The following CYP2B6 variants were observed in gnomAD, a reference collection of about 807,000 sequenced individuals.
CYP2B6 encodes cytochrome P450 family 2 subfamily B member 6, also known as cytochrome P450 2B6.
A neutral mutation model predicts 43.4 loss-of-function variants in CYP2B6; 35 were observed. The ratio of observed to expected loss-of-function variants is 0.81; its 90% CI spans 0.62 to 1.07. The LOEUF is 1.07. CYP2B6 is among the 50% of genes least tolerant of loss of function. CYP2B6 has a pLI of 0.00. For missense variants in CYP2B6, 624 were observed against 632.8 expected (o/e 0.99, Z 0.15); for synonymous variants, 239 against 239.2 (o/e 1.00, Z 0.01).
rs138409398 is a variant in CYP2B6 at position 41,005,516 on chromosome 19, C to T, written c.484+1070C>T. 8.8e-3 allele frequency among the ~76,000 whole-genome samples: 1,336 copies of T among 152,132 alleles called. 13 individuals are homozygous for T. Among genetic ancestry groups the T allele is most frequent in the Middle Eastern group, 0.034 (10 of 294 alleles). On this transcript the variant is annotated intron_variant, in intron 3 of 8. Coordinates refer to ENST00000324071, the MANE Select transcript of CYP2B6 (RefSeq NM_000767.5). ...AAAAATATAGGTTGGGTATGGGGCTCATGCCTGTAATCCCAGCACTTTGGG... is the reference window on the plus strand; with the variant it reads ...AAAAATATAGGTTGGGTATGGGGCTTATGCCTGTAATCCCAGCACTTTGGG...
chr19:41,006,180 G>T (rs771667771), intron 3 of CYP2B6, among the ~76,000 whole-genome samples: 1 of 152,056 alleles, frequency 6.6e-6, no homozygotes, highest in Non-Finnish European at 1.5e-5. Flanking sequence ...TAGAGACGGG[G>T]TCTCACTCTG....
At position 41,017,924 on chromosome 19, in the gene CYP2B6, G is replaced by C. The variant is rs992705125; in HGVS notation, c.*1097G>C. ...GCTGGAGTGCTATGGTGCAATTTTTGTTCACTGCAACCTCTGCCTTCCAAG... is the reference window on the plus strand; with the variant it reads ...GCTGGAGTGCTATGGTGCAATTTTTCTTCACTGCAACCTCTGCCTTCCAAG... On this transcript the variant is annotated 3_prime_UTR_variant, in exon 9 of 9. Transcript: ENST00000324071. The C allele has an allele frequency of 6.9e-6, 1 of 145,802 alleles. No homozygotes were observed. The highest frequency in any genetic ancestry group is 2.6e-5 in the African/African-American group (1 of 39,150). The allele number at this position is 145,802 out of a possible 1,614,324, so 9.0% of individuals were successfully genotyped here. A position where few individuals can be genotyped will look rare whatever the true frequency, so the allele number is the denominator to read the frequency against.
At chr19:40,997,190 G>C (rs974917838) in intron 1 of CYP2B6, among the ~76,000 whole-genome samples, 33 of 152,148 alleles carry the variant, frequency 2.2e-4, no homozygotes, top group African/African-American at 6.0e-4. Flanking sequence ...GGGAGAGCAG[G>C]AGAGGAGTGT....
Position 40,992,270 on chromosome 19 carries a change from A to T in CYP2B6, c.171+794A>T, listed in dbSNP as rs1568556376. Reference sequence around the variant, plus strand: ...CAGTTCACTCTACAGAGAGAGCTTTAGGTCAAATTTAATTTAATTAAACAA... The same window carrying T: ...CAGTTCACTCTACAGAGAGAGCTTTTGGTCAAATTTAATTTAATTAAACAA... On this transcript the variant is annotated intron_variant, in intron 1 of 8. Coordinates refer to ENST00000324071, the MANE Select transcript of CYP2B6 (RefSeq NM_000767.5). 3.3e-5 allele frequency among the ~76,000 whole-genome samples: 5 copies of T among 151,620 alleles called. No individual in the cohort carries two copies. In the South Asian group the frequency reaches 1.0e-3, roughly 32 times the overall value.
Position 41,006,945 on chromosome 19 carries a change from C to T in CYP2B6, c.525C>T (p.Thr175=), listed in dbSNP as rs139253352. ...CCACCTTCCTCTTCCAGTCCATTAC[C>T]GCCAACATCATCTGCTCCATCGTCT... is the stretch of plus-strand genomic sequence containing the variant. ...MDPTFLFQSI[T]ANIICSIVFG... Residue 175 remains threonine, a synonymous_variant, in exon 4 of 9, where the codon ACC becomes ACT. Coordinates refer to ENST00000324071, the MANE Select transcript of CYP2B6 (RefSeq NM_000767.5). 320 of 1,613,682 alleles carry T rather than the reference C, an allele frequency of 2.0e-4. No individual in the cohort carries two copies. The African/African-American group carries it at 3.1e-3, about 16-fold the overall frequency.
chr19:41,002,078 C>T (rs1369686398), intron 1 of CYP2B6, among the ~76,000 whole-genome samples: 1 of 151,932 alleles, frequency 6.6e-6, no homozygotes, highest in African/African-American at 2.4e-5. Context: ...GAAGTCAGAG[C>T]GGTAATAGGG....
At chr19:41,012,546 C>T (rs975872688) in intron 7 of CYP2B6, 61 bp downstream of exon 7, 138 of 1,608,862 alleles carry the variant, frequency 8.6e-5, no homozygotes, top group Middle Eastern at 1.6e-4. Context: ...TCTTAATCCC[C>T]GAACTCAACC....
At chr19:41,016,431 A>AGGG (rs58697964) in intron 8 of CYP2B6, among the ~76,000 whole-genome samples, 1 of 92,552 alleles carries the variant, frequency 1.1e-5, no homozygotes, top group Non-Finnish European at 2.1e-5. Context: ...AAAAAAAAAA[A>AGGG]AAAGAGAGAG....
intron 4 of CYP2B6, among the ~76,000 whole-genome samples, chr19:41,008,271 G>C (rs527883553): frequency 1.3e-5 from 2 of 151,194 alleles, no homozygotes; most frequent in African/African-American, 4.9e-5. Flanking sequence ...GAGTGCAGTA[G>C]TGTGATCTCA....
At chr19:41,002,705 T>C (rs542099829) in intron 1 of CYP2B6, among the ~76,000 whole-genome samples, 201 of 152,178 alleles carry the variant, frequency 1.3e-3, no homozygotes, top group African/African-American at 4.7e-3. Context: ...AGAGCCACCA[T>C]GCCTGGCTAA....
At position 41,005,348 on chromosome 19, in the gene CYP2B6, T is replaced by C. The variant is rs1969160723; in HGVS notation, c.484+902T>C. 2.0e-5 allele frequency among the ~76,000 whole-genome samples: 3 copies of C among 152,208 alleles called. No homozygotes were observed. The South Asian group carries it at 6.2e-4, about 32-fold the overall frequency. ...CTCTTATCAAAATTTCTCAAGAGAC[T>C]CTGGGATGTAAATGCAGAGGCTGCA... is the stretch of plus-strand genomic sequence containing the variant. On this transcript the variant is annotated intron_variant, in intron 3 of 8. Coordinates refer to ENST00000324071, the MANE Select transcript of CYP2B6 (RefSeq NM_000767.5).
chr19:41,011,562 G>A (rs944185583), intron 6 of CYP2B6, among the ~76,000 whole-genome samples: 1 of 152,118 alleles, frequency 6.6e-6, no homozygotes, highest in Non-Finnish European at 1.5e-5. Context: ...AGTTGTTCAT[G>A]AATTCATCTA....
At position 41,009,290 on chromosome 19, in the gene CYP2B6, G is replaced by A. The variant is rs762329261; in HGVS notation, c.717G>A (p.Gln239=). Residue 239 remains glutamine (Q), a synonymous_variant, in exon 5 of 9, where the codon CAG becomes CAA. Coordinates refer to ENST00000324071, the MANE Select transcript of CYP2B6 (RefSeq NM_000767.5). ...ACAGGCAAGTTTACAAAAACCTGCA[G>A]GAAATCAATGCTTACATTGGCCACA... ...GAHRQVYKNL[Q]EINAYIGHSV... 8 of 1,613,152 alleles carry A rather than the reference G, an allele frequency of 5.0e-6. No homozygotes were observed. The highest frequency in any genetic ancestry group is 1.1e-5 in the South Asian group (1 of 91,022).
intron 1 of CYP2B6, among the ~76,000 whole-genome samples, chr19:40,995,650 G>T (rs1968989062): frequency 6.6e-6 from 1 of 152,202 alleles, no homozygotes; most frequent in Non-Finnish European, 1.5e-5. Context: ...AGATACATGA[G>T]ATTCTATTAT....
chr19:41,005,245 C>T (rs1409407592), intron 3 of CYP2B6, among the ~76,000 whole-genome samples: 2 of 152,022 alleles, frequency 1.3e-5, no homozygotes. Flanking sequence ...TTCTCCATAA[C>T]TTGGTGTCTG....
At chr19:41,008,123 T>C (rs1202361465) in intron 4 of CYP2B6, among the ~76,000 whole-genome samples, 1 of 152,012 alleles carries the variant, frequency 6.6e-6, no homozygotes, top group East Asian at 1.9e-4. Flanking sequence ...AATACTAAAA[T>C]GTCTCCTTAT....
At chr19:40,994,965 C>T (rs978263876) in intron 1 of CYP2B6, among the ~76,000 whole-genome samples, 1 of 152,076 alleles carries the variant, frequency 6.6e-6, no homozygotes, top group Admixed American at 6.6e-5. Flanking sequence ...CATGAAGAGG[C>T]ATTGGCACCA....
intron 1 of CYP2B6, among the ~76,000 whole-genome samples, chr19:40,994,791 A>T (rs1968977145): frequency 6.6e-6 from 1 of 152,122 alleles, no homozygotes; most frequent in Admixed American, 6.5e-5. Flanking sequence ...TTAGCTAGTT[A>T]ATAGTATGTT....
intron 1 of CYP2B6, among the ~76,000 whole-genome samples, chr19:40,991,735 A>G (rs912945014): frequency 8.5e-5 from 13 of 152,144 alleles, no homozygotes; most frequent in Admixed American, 2.0e-4. Context: ...ACCACACGGC[A>G]GTATGGTCAA....
Sources: allele counts gnomAD v4.1 joint callset (sites outside exome capture counted in the v4.1 genomes callset), GRCh38; gene constraint gnomAD v4.1.1; transcripts MANE v1.5; gene names NCBI Gene and HGNC (gene_info 2026-07-23, HGNC 2026-07-21).